The following KIF4A variants were observed in gnomAD, a reference collection of about 807,000 sequenced individuals.
KIF4A encodes the protein chromosome-associated kinesin KIF4A.
Under a neutral mutation model 105.9 loss-of-function variants are expected in KIF4A, and 7 were observed. The observed-to-expected ratio is 0.07, with a 90% CI of 0.04 to 0.12. The LOEUF (loss-of-function observed/expected upper bound fraction) is 0.12. Among genes scored for constraint, KIF4A ranks in the 10% least tolerant of loss-of-function variants. KIF4A has a pLI of 1.00. For synonymous variants in KIF4A, 281 were observed against 331.3 expected, an observed-to-expected ratio of 0.85 and a Z score of 1.65; for missense variants, 558 against 929.2, an observed-to-expected ratio of 0.60 and a Z score of 5.19.
chrX:70,327,411 T>C (rs1427826228), intron 7 of KIF4A, among the ~76,000 whole-genome samples: 2 of 108,105 alleles, frequency 1.9e-5, no homozygotes, highest in East Asian at 2.9e-4. Flanking sequence ...ATGGAAGGAA[T>C]AGAAACAGAG....
chrX:70,355,207 G>A (rs1276876291), intron 15 of KIF4A, among the ~76,000 whole-genome samples: 1 of 111,652 alleles, frequency 9.0e-6, no homozygotes, highest in East Asian at 2.8e-4. Flanking sequence ...AGAAAAAAAT[G>A]TATGCTTTCT....
chrX:70,297,686 CA>C (rs1462471418), intron 4 of KIF4A, among the ~76,000 whole-genome samples: 2 of 111,445 alleles, frequency 1.8e-5, no homozygotes, highest in Non-Finnish European at 3.8e-5. Context: ...TATCAGTGAA[CA>C]AAACAAAAAT....
chrX:70,302,668 A>G lies in KIF4A; in HGVS notation c.778+270A>G, dbSNP rs760480308. Among the ~76,000 whole-genome samples, 3 of 111,876 alleles carry G rather than the reference A, an allele frequency of 2.7e-5. No individual in the cohort carries two copies. The South Asian group carries it at 1.1e-3, about 42-fold the overall frequency. On this transcript the variant is annotated intron_variant, in intron 7 of 30. Transcript: ENST00000374403. ...GTTTTGTTTTGTTTTGTTTTACCCC[A>G]ACTATTTATAATTAAAATCAGTATC...
chrX:70,308,505 A>G (rs772388659), intron 7 of KIF4A, among the ~76,000 whole-genome samples: 6 of 112,453 alleles, frequency 5.3e-5, no homozygotes, highest in Non-Finnish European at 7.5e-5. Context: ...ACGTACACAT[A>G]TATTTTTTAT....
At chrX:70,323,680 T>C (rs977045118) in intron 7 of KIF4A, among the ~76,000 whole-genome samples, 1 of 111,406 alleles carries the variant, frequency 9.0e-6, no homozygotes, top group African/African-American at 3.3e-5. Context: ...ATATTTGCTT[T>C]ATCACAAATC....
At chrX:70,301,862 T>G (rs2085805866) in intron 5 of KIF4A, 38 bp from the exon 6 acceptor site, 1 of 1,191,494 alleles carries the variant, frequency 8.4e-7, no homozygotes, top group Non-Finnish European at 1.1e-6. Context: ...GCATTTGAAG[T>G]ATAAATCATA....
intron 14 of KIF4A, 65 bp from the exon 15 acceptor site, chrX:70,353,557 A>T: frequency 1.0e-6 from 1 of 992,291 alleles, no homozygotes; most frequent in Non-Finnish European, 1.4e-6. Context: ...GACTTGATGA[A>T]ATAGTGCCTA....
chrX:70,370,546 ATG>A (rs1409768509), intron 15 of KIF4A, among the ~76,000 whole-genome samples: 5 of 109,092 alleles, frequency 4.6e-5, no homozygotes, highest in African/African-American at 1.6e-4. Context: ...TATATTCTGT[ATG>A]TATAGAATAT....
chrX:70,305,219 A>T (rs979650000), intron 7 of KIF4A, among the ~76,000 whole-genome samples: 5 of 111,935 alleles, frequency 4.5e-5, no homozygotes, highest in Middle Eastern at 4.6e-3. Flanking sequence ...TCACCCTTTT[A>T]AAGTATACAT....
At chrX:70,390,867 A>G (rs988043056) in intron 20 of KIF4A, among the ~76,000 whole-genome samples, 2 of 112,058 alleles carry the variant, frequency 1.8e-5, no homozygotes, top group Non-Finnish European at 3.8e-5. Context: ...AAATAGAAAC[A>G]TACAGTATGA....
chrX:70,351,292 C>T (rs2086029497), intron 13 of KIF4A, among the ~76,000 whole-genome samples: 1 of 112,343 alleles, frequency 8.9e-6, no homozygotes, highest in African/African-American at 3.2e-5. Context: ...TCTCATCCCT[C>T]ACCATCCCCC....
intron 13 of KIF4A, among the ~76,000 whole-genome samples, chrX:70,347,831 C>T (rs1251017928): frequency 1.9e-4 from 18 of 97,237 alleles, no homozygotes; most frequent in Admixed American, 6.8e-4. Flanking sequence ...AAAAATTAGC[C>T]GGGCGTGGTA....
intron 10 of KIF4A, among the ~76,000 whole-genome samples, chrX:70,341,375 T>C (rs2085971750): frequency 1.8e-5 from 2 of 111,408 alleles, no homozygotes; most frequent in Non-Finnish European, 3.8e-5. Context: ...ACCTCCCCCA[T>C]ACCTCTCCCT....
intron 28 of KIF4A, among the ~76,000 whole-genome samples, chrX:70,414,479 T>C (rs2086335202): frequency 8.9e-6 from 1 of 112,098 alleles, no homozygotes; most frequent in South Asian, 3.7e-4. Context: ...CACCTCACAG[T>C]GGCCACACCA....
intron 13 of KIF4A, among the ~76,000 whole-genome samples, chrX:70,351,147 TTTTC>T (rs2086028693): frequency 8.9e-6 from 1 of 112,231 alleles, no homozygotes. Context: ...TTTTTCCCTT[TTTTC>T]TTTTTTTCTA....
In KIF4A at chrX:70,333,784, A is replaced by G. The variant is rs2085940413; in HGVS notation, c.1133+95A>G. On this transcript the variant is annotated intron_variant, in intron 10 of 30. Coordinates refer to ENST00000374403, the MANE Select transcript of KIF4A (RefSeq NM_012310.5). ...CTGGTTTCTGCTAGCACTTGGTGTC[A>G]CGGTAAGGATCTTACCAATTTTGCT... The G allele has an allele frequency of 1.5e-5, 9 of 613,495 alleles. No homozygotes were observed. The South Asian group carries it at 2.0e-4, about 13-fold the overall frequency. 50.6% of individuals were successfully genotyped at this position (613,495 alleles called of 1,213,427 possible).
In KIF4A at chrX:70,299,096, A is replaced by C; in HGVS notation, c.427-17A>C. The C allele has an allele frequency of 8.4e-7, 1 of 1,183,617 alleles. No homozygotes were observed. Among genetic ancestry groups the C allele is most frequent in the Non-Finnish European group, 1.1e-6 (1 of 875,394 alleles). On this transcript the variant is annotated splice_polypyrimidine_tract_variant and intron_variant, in intron 4 of 30. Transcript: ENST00000374403. ...GTTAACATCTTGTTTTTGCCACTTT[A>C]TTTTCAACAATATCAGATTTACAAT...
At chrX:70,307,167 A>AT (rs772339532) in intron 7 of KIF4A, among the ~76,000 whole-genome samples, 4 of 108,732 alleles carry the variant, frequency 3.7e-5, no homozygotes, top group Admixed American at 9.8e-5. Flanking sequence ...TTTTTTGATA[A>AT]TTTTTTTTTA....
intron 28 of KIF4A, among the ~76,000 whole-genome samples, chrX:70,416,146 C>T (rs2086343237): frequency 9.1e-6 from 1 of 109,655 alleles, no homozygotes; most frequent in African/African-American, 3.3e-5. Context: ...GGATTACAGG[C>T]GTGAGCCACT....
Sources: gnomAD v4.1 joint callset for allele counts (sites outside exome capture counted in the v4.1 genomes callset) on GRCh38, gnomAD v4.1.1 for gene constraint, MANE v1.5 for transcripts, NCBI Gene and HGNC (gene_info 2026-07-23, HGNC 2026-07-21) for gene names.